GALNT13: variants seen among roughly 807,000 people sequenced by gnomAD.
GALNT13 encodes the protein polypeptide N-acetylgalactosaminyltransferase 13.
GALNT13 carries 28 observed loss-of-function variants against 64.2 expected under a neutral mutation model. The observed-to-expected ratio is 0.44, with a 90% CI of 0.32 to 0.60. The LOEUF (loss-of-function observed/expected upper bound fraction) is 0.60. Ranked by LOEUF, GALNT13 falls within the 20% of genes least tolerant of loss-of-function variation. The probability of loss-of-function intolerance (pLI) is 0.05; values close to 1 mark genes in which losing one functional copy is unlikely to be tolerated. For missense variants in GALNT13, 577 were observed against 669.8 expected, an observed-to-expected ratio of 0.86 and a Z score of 1.53; for synonymous variants, 214 against 224.6, an observed-to-expected ratio of 0.95 and a Z score of 0.42.
the GALNT13 span, among the ~76,000 whole-genome samples, chr2:153,763,180 G>C: frequency 2.6e-5 from 4 of 151,940 alleles, no homozygotes; most frequent in African/African-American, 7.3e-5. Flanking sequence ...CACCATATCA[G>C]AGTATATTGA....
intron 3 of GALNT13, among the ~76,000 whole-genome samples, chr2:154,127,973 T>C (rs1330820911): frequency 6.6e-6 from 1 of 151,986 alleles, no homozygotes; most frequent in Non-Finnish European, 1.5e-5. Flanking sequence ...TGTTATTTCA[T>C]ATTGGTTTAC....
At chr2:154,006,477 T>G (rs1696258403) in intron 3 of GALNT13, among the ~76,000 whole-genome samples, 1 of 152,190 alleles carries the variant, frequency 6.6e-6, no homozygotes, top group African/African-American at 2.4e-5. Context: ...ATTGATGTAC[T>G]AAATCTTGTA....
At chr2:153,785,595 A>T in the GALNT13 span, among the ~76,000 whole-genome samples, 2 of 152,006 alleles carry the variant, frequency 1.3e-5, no homozygotes, top group Non-Finnish European at 2.9e-5. Context: ...GGGGCTTTCA[A>T]TTGCCCCTGG....
the GALNT13 span, among the ~76,000 whole-genome samples, chr2:153,543,180 A>G: frequency 6.6e-6 from 1 of 152,196 alleles, no homozygotes; most frequent in Non-Finnish European, 1.5e-5. Flanking sequence ...ATGCTTGGCA[A>G]TACCCATATA....
chr2:153,338,502 T>A, the GALNT13 span, among the ~76,000 whole-genome samples: 3 of 152,154 alleles, frequency 2.0e-5, no homozygotes, highest in Non-Finnish European at 4.4e-5. Flanking sequence ...TAATTGACAA[T>A]TAGAAATGAT....
chr2:154,065,925 A>AT (rs1240137569), intron 3 of GALNT13, among the ~76,000 whole-genome samples: 2 of 150,572 alleles, frequency 1.3e-5, no homozygotes, highest in Non-Finnish European at 2.9e-5. Context: ...GAAATATGTG[A>AT]TTTTTCAGAC....
At chr2:153,222,155 G>A in the GALNT13 span, among the ~76,000 whole-genome samples, 118 of 152,202 alleles carry the variant, frequency 7.8e-4, no homozygotes, top group African/African-American at 2.5e-3. Context: ...GGAGTTTTGA[G>A]TGACAGAACA....
At chr2:153,163,296 G>T in the GALNT13 span, among the ~76,000 whole-genome samples, 5 of 152,156 alleles carry the variant, frequency 3.3e-5, no homozygotes, top group Non-Finnish European at 5.9e-5. Context: ...TAAGTGAGGA[G>T]CCCAAACTGA....
chr2:153,450,210 C>A, the GALNT13 span, among the ~76,000 whole-genome samples: 2 of 152,142 alleles, frequency 1.3e-5, no homozygotes, highest in Non-Finnish European at 2.9e-5. Flanking sequence ...CTACTAAAGT[C>A]TTCCTCTGTT....
intron 3 of GALNT13, among the ~76,000 whole-genome samples, chr2:154,104,234 G>GA (rs986831550): frequency 6.6e-6 from 1 of 151,860 alleles, no homozygotes; most frequent in African/African-American, 2.4e-5. Context: ...GTGTGGCGGG[G>GA]AACCTATCTG....
chr2:153,633,054 C>T, the GALNT13 span, among the ~76,000 whole-genome samples: 13 of 152,126 alleles, frequency 8.5e-5, no homozygotes, highest in Non-Finnish European at 1.3e-4. Flanking sequence ...AGCCACCATA[C>T]GCAGCGCCAT....
intron 4 of GALNT13, among the ~76,000 whole-genome samples, chr2:154,190,775 T>C (rs1686532002): frequency 6.6e-6 from 1 of 152,188 alleles, no homozygotes; most frequent in South Asian, 2.1e-4. Flanking sequence ...TGTAATTGTA[T>C]TTTTTCCTAG....
intron 9 of GALNT13, among the ~76,000 whole-genome samples, chr2:154,316,853 A>G (rs1281697670): frequency 2.0e-5 from 3 of 152,208 alleles, no homozygotes; most frequent in African/African-American, 7.2e-5. Context: ...TGGGTGACAC[A>G]TTTAACACAT....
intron 3 of GALNT13, among the ~76,000 whole-genome samples, chr2:154,075,072 C>G (rs1238186147): frequency 6.6e-6 from 1 of 151,700 alleles, no homozygotes; most frequent in African/African-American, 2.4e-5. Flanking sequence ...AGAGAAAGAA[C>G]TAAAGTGTAA....
chr2:153,912,962 T>C (rs1574099606), intron 2 of GALNT13, among the ~76,000 whole-genome samples: 1 of 152,258 alleles, frequency 6.6e-6, no homozygotes, highest in East Asian at 1.9e-4. Flanking sequence ...TAGTGGGTGC[T>C]GGGTAGCCAG....
chr2:153,884,785 A>ATG lies in GALNT13; in HGVS notation c.-177+12490_-177+12491dup, dbSNP rs1179176058. On this transcript the variant is annotated intron_variant, in intron 1 of 12. Transcript: ENST00000392825. ...AATACGAATATATATATATATATAT[A>ATG]TGTGTGTGTATATATATATATGTGT... 6.7e-3 allele frequency among the ~76,000 whole-genome samples: 822 copies of ATG among 122,490 alleles called. 19 individuals are homozygous for ATG. The highest frequency in any genetic ancestry group is 0.021 in the African/African-American group (607 of 28,602). 80.4% of individuals were successfully genotyped at this position (122,490 alleles called of 152,430 possible). A position where few individuals can be genotyped will look rare whatever the true frequency, so the allele number is the denominator to read the frequency against.
At chr2:153,108,923 T>C in the GALNT13 span, among the ~76,000 whole-genome samples, 62 of 152,266 alleles carry the variant, frequency 4.1e-4, no homozygotes, top group African/African-American at 1.5e-3. Context: ...GGAGTTGCAA[T>C]TTGGAGTCAA....
chr2:153,808,575 A>C, the GALNT13 span, among the ~76,000 whole-genome samples: 1 of 152,004 alleles, frequency 6.6e-6, no homozygotes, highest in Non-Finnish European at 1.5e-5. Context: ...TTGTGACTTC[A>C]GTCTCTGTTG....
At chr2:154,166,818 T>C (rs2105685820) in intron 4 of GALNT13, among the ~76,000 whole-genome samples, 1 of 152,284 alleles carries the variant, frequency 6.6e-6, no homozygotes, top group Middle Eastern at 3.4e-3. Flanking sequence ...TGAGTTCATG[T>C]CCTTTGTAGG....
Sources: allele counts gnomAD v4.1 joint callset (sites outside exome capture counted in the v4.1 genomes callset), GRCh38; gene constraint gnomAD v4.1.1; transcripts MANE v1.5; gene names NCBI Gene and HGNC (gene_info 2026-07-23, HGNC 2026-07-21).